PPM1B: variants seen among roughly 807,000 people sequenced by gnomAD.
PPM1B encodes the protein protein phosphatase, Mg2+/Mn2+ dependent 1B.
Under a neutral mutation model 43.0 loss-of-function variants are expected in PPM1B, and 22 were observed. That is an observed-to-expected ratio of 0.51 (90% CI 0.37 to 0.73). The LOEUF is 0.73. PPM1B is among the 30% of genes least tolerant of loss of function. PPM1B has a pLI of 0.00. For missense variants in PPM1B, 632 were observed against 584.2 expected (o/e 1.08, Z -0.84); for synonymous variants, 217 against 197.9 (o/e 1.10, Z -0.81).
chr2:44,229,711 G>A (rs1452237379), intron 5 of PPM1B, among the ~76,000 whole-genome samples: 9 of 151,980 alleles, frequency 5.9e-5, no homozygotes, highest in African/African-American at 1.2e-4. Flanking sequence ...TTAGTCTGTC[G>A]GCTTAACTGT....
At chr2:44,172,010 C>G (rs974262828) in intron 1 of PPM1B, among the ~76,000 whole-genome samples, 1 of 152,092 alleles carries the variant, frequency 6.6e-6, no homozygotes, top group Non-Finnish European at 1.5e-5. Flanking sequence ...TTTCACAATT[C>G]ACTGATTTTA....
chr2:44,170,567 G>C (rs1266252476), intron 1 of PPM1B, among the ~76,000 whole-genome samples: 1 of 152,196 alleles, frequency 6.6e-6, no homozygotes, highest in Non-Finnish European at 1.5e-5. Context: ...AGTAGACAGT[G>C]TAAGTCACAG....
chr2:44,226,872 G>A (rs1363212043), intron 5 of PPM1B, among the ~76,000 whole-genome samples: 2 of 149,332 alleles, frequency 1.3e-5, no homozygotes, highest in African/African-American at 4.9e-5. Context: ...TATCATTAGA[G>A]TATACTTATC....
In PPM1B at chr2:44,226,197, C is replaced by T. The variant is rs985703795; in HGVS notation, c.1135-4216C>T. Among the ~76,000 whole-genome samples the T allele has an allele frequency of 2.0e-5, 3 of 151,804 alleles. No homozygotes were observed. In the East Asian group the frequency reaches 5.8e-4, roughly 29 times the overall value. On this transcript the variant is annotated intron_variant, in intron 5 of 5. Coordinates refer to ENST00000282412, the MANE Select transcript of PPM1B (RefSeq NM_002706.6). ...TCACTGTGTTAGCCAGGATGGTGTC[C>T]ATCTCTTGACCTCATGATCTGCCTG...
intron 5 of PPM1B, among the ~76,000 whole-genome samples, chr2:44,227,922 CT>C (rs59259343): frequency 0.2 from 21,739 of 106,152 alleles, 1,528 homozygotes; most frequent in African/African-American, 0.33. Context: ...TTTTTCTTTT[CT>C]TTTTTTTTTT....
chr2:44,191,299 T>C (rs1275136164), intron 1 of PPM1B, among the ~76,000 whole-genome samples: 1 of 152,096 alleles, frequency 6.6e-6, no homozygotes, highest in African/African-American at 2.4e-5. Context: ...CTGCAACCTC[T>C]GCATCCCAGG....
intron 5 of PPM1B, among the ~76,000 whole-genome samples, chr2:44,226,456 T>C (rs1402347884): frequency 6.6e-6 from 1 of 152,192 alleles, no homozygotes; most frequent in African/African-American, 2.4e-5. Flanking sequence ...ACCTTATTAA[T>C]AAGTCCACCT....
chr2:44,175,079 C>T (rs913146380), intron 1 of PPM1B, among the ~76,000 whole-genome samples: 1 of 152,122 alleles, frequency 6.6e-6, no homozygotes. Flanking sequence ...CACGGTGAAA[C>T]CCCATCTCTA....
At chr2:44,196,837 A>T (rs185292995) in intron 1 of PPM1B, among the ~76,000 whole-genome samples, 274 of 152,296 alleles carry the variant, frequency 1.8e-3, no homozygotes, top group African/African-American at 6.4e-3. Flanking sequence ...AAATAGAATC[A>T]CTGGATCGGA....
In PPM1B at chr2:44,216,079, T is replaced by C. The variant is rs541343882; in HGVS notation, c.965-1888T>C. On this transcript the variant is annotated intron_variant, in intron 3 of 5. Coordinates refer to ENST00000282412, the MANE Select transcript of PPM1B (RefSeq NM_002706.6). ...TTGGACTTTGACTTGTGGGAATTCA[T>C]TGGAAGATTTTGAGTACAAGAGTGA... 8.5e-5 allele frequency among the ~76,000 whole-genome samples: 13 copies of C among 152,322 alleles called. 1 individual carries two copies. In the South Asian group the frequency reaches 2.1e-3, roughly 24 times the overall value.
intron 1 of PPM1B, among the ~76,000 whole-genome samples, chr2:44,194,402 G>A (rs1382094021): frequency 1.3e-5 from 2 of 152,168 alleles, no homozygotes; most frequent in Non-Finnish European, 2.9e-5. Context: ...CCTGCTTGTG[G>A]TTTCCTTGAT....
At chr2:44,198,431 G>C (rs1247122758) in intron 1 of PPM1B, among the ~76,000 whole-genome samples, 1 of 152,198 alleles carries the variant, frequency 6.6e-6, no homozygotes, top group African/African-American at 2.4e-5. Context: ...AAAGTGTTGG[G>C]ATTACAGGCA....
chr2:44,232,136 C>T (rs56203913), downstream of PPM1B, among the ~76,000 whole-genome samples: 36,240 of 151,980 alleles, frequency 0.24, 5,194 homozygotes, highest in African/African-American at 0.41. Context: ...GTTATCTATC[C>T]ATATTAGATA....
chr2:44,196,409 G>A (rs1668665262), intron 1 of PPM1B, among the ~76,000 whole-genome samples: 1 of 152,316 alleles, frequency 6.6e-6, no homozygotes, highest in South Asian at 2.1e-4. Flanking sequence ...CTGAGGTAAA[G>A]TGCCTTTCTC....
At chr2:44,183,083 T>C (rs1667957684) in intron 1 of PPM1B, among the ~76,000 whole-genome samples, 2 of 152,254 alleles carry the variant, frequency 1.3e-5, no homozygotes, top group Admixed American at 1.3e-4. Flanking sequence ...GGAGTTTCTC[T>C]CATCTCAGGA....
rs3841859 is a variant in PPM1B at position 44,205,380 on chromosome 2, T to TGTGTGTGTGTGTAA, written c.846+3335_846+3336insGTGTGTGTGTGTAA. Among the ~76,000 whole-genome samples, 1,197 of 150,170 alleles carry TGTGTGTGTGTGTAA rather than the reference T, an allele frequency of 8.0e-3. 19 individuals carry two copies. Among genetic ancestry groups the TGTGTGTGTGTGTAA allele is most frequent in the African/African-American group, 0.028 (1,133 of 40,320 alleles). Reference sequence around the variant, plus strand: ...GTGTGTGTGTGTGTGTGTGTGTGTGTAAGTGTCTGTCTGTTTCGGTTTTCA... The same window carrying TGTGTGTGTGTGTAA: ...GTGTGTGTGTGTGTGTGTGTGTGTGTGTGTGTGTGTGTAAAAGTGTCTGTCTGTTTCGGTTTTCA... On this transcript the variant is annotated intron_variant, in intron 2 of 5. Transcript: ENST00000282412.
intron 1 of PPM1B, among the ~76,000 whole-genome samples, chr2:44,169,603 C>T (rs1270504800): frequency 6.6e-6 from 1 of 152,254 alleles, no homozygotes; most frequent in Non-Finnish European, 1.5e-5. Context: ...CTCTTTCACA[C>T]GAAAGCACTG....
chr2:44,170,161 C>A (rs1434190169), intron 1 of PPM1B, among the ~76,000 whole-genome samples: 1 of 152,088 alleles, frequency 6.6e-6, no homozygotes, highest in Non-Finnish European at 1.5e-5. Context: ...GGACGTTTGC[C>A]CATCTTATTC....
rs943566285 is a variant in PPM1B, at chr2:44,169,292, C to G, written c.-15+18C>G. Reference sequence around the variant, plus strand: ...TGCCTCAGGTAAGGCCGCCCGGCACCCCGCCGGAGGGGAAGCGGCTGACCG... The same window carrying G: ...TGCCTCAGGTAAGGCCGCCCGGCACGCCGCCGGAGGGGAAGCGGCTGACCG... On this transcript the variant is annotated intron_variant, in intron 1 of 5. Transcript: ENST00000282412. The G allele has an allele frequency of 6.6e-6, 1 of 152,430 alleles. No homozygotes were observed. Among genetic ancestry groups the G allele is most frequent in the African/African-American group, 2.4e-5 (1 of 41,468 alleles). 9.4% of individuals were successfully genotyped at this position (152,430 alleles called of 1,614,324 possible).
Sources: allele counts gnomAD v4.1 joint callset (sites outside exome capture counted in the v4.1 genomes callset), GRCh38; gene constraint gnomAD v4.1.1; transcripts MANE v1.5; gene names NCBI Gene and HGNC (gene_info 2026-07-23, HGNC 2026-07-21).